The following PMS1 variants were observed in gnomAD, a reference collection of about 807,000 sequenced individuals.
PMS1 encodes the protein PMS1 protein homolog 1.
Under a neutral mutation model 93.1 loss-of-function variants are expected in PMS1, and 79 were observed. The ratio of observed to expected loss-of-function variants is 0.85; its 90% CI spans 0.71 to 1.02. PMS1 has a LOEUF of 1.02. Ranked by LOEUF, PMS1 falls within the 50% of genes least tolerant of loss-of-function variation. PMS1 has a pLI of 0.00. For missense variants in PMS1, 1,064 were observed against 1,085.3 expected, an observed-to-expected ratio of 0.98 and a Z score of 0.28; for synonymous variants, 335 against 363.4, an observed-to-expected ratio of 0.92 and a Z score of 0.89.
At chr2:189,831,970 A>G (rs769459350) in intron 5 of PMS1, among the ~76,000 whole-genome samples, 35 of 152,084 alleles carry the variant, frequency 2.3e-4, no homozygotes, top group South Asian at 6.2e-4. Flanking sequence ...ACCGCAAATG[A>G]TCCTCCCGCC....
chr2:189,844,359 G>T (rs2054065765), intron 6 of PMS1, among the ~76,000 whole-genome samples: 1 of 151,932 alleles, frequency 6.6e-6, no homozygotes, highest in Non-Finnish European at 1.5e-5. Context: ...AAGAAAAATA[G>T]TTGGCTGGGC....
intron 2 of PMS1, among the ~76,000 whole-genome samples, chr2:189,793,955 C>G (rs1450504950): frequency 6.6e-6 from 1 of 152,062 alleles, no homozygotes; most frequent in Non-Finnish European, 1.5e-5. Context: ...ATTTCGAGAC[C>G]ATGTTGCCCA....
chr2:189,805,559 A>T, intron 3 of PMS1, 93 bp from the exon 4 acceptor site: 1 of 1,011,060 alleles, frequency 9.9e-7, no homozygotes, highest in East Asian at 2.4e-5. Context: ...GCTATTGAGT[A>T]AATATATTAT....
chr2:189,846,513 C>CAA (rs780419075), intron 6 of PMS1, among the ~76,000 whole-genome samples: 1 of 124,870 alleles, frequency 8.0e-6, no homozygotes, highest in Non-Finnish European at 1.7e-5. Flanking sequence ...GACTCCGTCT[C>CAA]AAAAAAAAAA....
chr2:189,833,485 G>C (rs1575186154), intron 5 of PMS1, among the ~76,000 whole-genome samples: 3 of 152,316 alleles, frequency 2.0e-5, no homozygotes, highest in African/African-American at 7.2e-5. Context: ...AGGAGGCTGA[G>C]GCAGGAGAAT....
intron 5 of PMS1, among the ~76,000 whole-genome samples, chr2:189,820,869 T>A (rs565814434): frequency 6.6e-6 from 1 of 152,292 alleles, no homozygotes; most frequent in South Asian, 2.1e-4. Flanking sequence ...TCAAAATCTT[T>A]GATCATTTAA....
chr2:189,809,097 T>A (rs934577986), intron 4 of PMS1, among the ~76,000 whole-genome samples: 2 of 152,244 alleles, frequency 1.3e-5, no homozygotes, highest in African/African-American at 2.4e-5. Flanking sequence ...TCATGTTCTT[T>A]GTAAATTCCT....
At chr2:189,872,406 T>C (rs1439299590) in intron 11 of PMS1, among the ~76,000 whole-genome samples, 2 of 152,148 alleles carry the variant, frequency 1.3e-5, no homozygotes, top group Admixed American at 6.5e-5. Context: ...CATTGATAGC[T>C]ACTACTTATC....
rs959859165 is a variant in PMS1, at chr2:189,873,505, T to G, written c.2483T>G (p.Ile828Ser). ...ATTTTTTTTCTTTCAGGAGTTTCAA[T>G]TACTGAAAATTACTTGGAAATAGAA... ...FKIKLIPGVSITENYLEIEGM... is the reference protein window; with the variant it reads ...FKIKLIPGVSSTENYLEIEGM... Residue 828 changes from isoleucine (I) to serine (S), a missense_variant, in exon 12 of 13, where the codon ATT becomes AGT. Coordinates refer to ENST00000441310, the MANE Select transcript of PMS1 (RefSeq NM_000534.5). 1.1e-5 allele frequency: 17 copies of G among 1,589,682 alleles called. No individual in the cohort carries two copies. Among genetic ancestry groups the G allele is most frequent in the Non-Finnish European group, 1.4e-5 (16 of 1,158,388 alleles).
At position 189,860,800 on chromosome 2, in the gene PMS1, A is replaced by AT. The variant is rs1158514130; in HGVS notation, c.1857-2904dup. Among the ~76,000 whole-genome samples the AT allele has an allele frequency of 3.7e-3, 151 of 41,018 alleles. 34 individuals carry two copies. Among genetic ancestry groups the AT allele is most frequent in the Non-Finnish European group, 4.4e-3 (95 of 21,484 alleles). The allele number at this position is 41,018 out of a possible 152,430, so 26.9% of individuals were successfully genotyped here. ...CTAAAATCTTCTATATCTTTGAGGA[A>AT]TTTTTTTTTTTTTTTTTTTTTTTTT... On this transcript the variant is annotated intron_variant, in intron 9 of 12. Coordinates refer to ENST00000441310, the MANE Select transcript of PMS1 (RefSeq NM_000534.5).
intron 9 of PMS1, 42 bp from the exon 10 acceptor site, chr2:189,863,701 C>T (rs748748709): frequency 7.0e-7 from 1 of 1,424,512 alleles, no homozygotes. Flanking sequence ...TAATATATTT[C>T]TGATTATGAT....
chr2:189,834,689 G>C (rs1001600989), intron 5 of PMS1, among the ~76,000 whole-genome samples: 1 of 152,178 alleles, frequency 6.6e-6, no homozygotes, highest in Non-Finnish European at 1.5e-5. Context: ...GTTATGCAGA[G>C]ATTAACTTTA....
chr2:189,798,273 A>G (rs1032565028), intron 3 of PMS1, among the ~76,000 whole-genome samples: 3 of 152,322 alleles, frequency 2.0e-5, no homozygotes, highest in Middle Eastern at 3.4e-3. Context: ...TCAGTTTTTT[A>G]CTTTTGGGCT....
chr2:189,785,466 T>G (rs2048218366), intron 1 of PMS1: 1 of 152,176 alleles, frequency 6.6e-6, no homozygotes, highest in Non-Finnish European at 1.5e-5. Context: ...TTCTTTGCTG[T>G]GATTTGTAAG....
intron 1 of PMS1, among the ~76,000 whole-genome samples, chr2:189,787,292 A>T (rs772793612): frequency 6.6e-6 from 1 of 152,358 alleles, no homozygotes; most frequent in East Asian, 1.9e-4. Context: ...CATAAGAAAG[A>T]TGCTGATAAA....
rs5743149 is a variant in PMS1, at chr2:189,857,928, G to C, written c.1856+2800G>C. On this transcript the variant is annotated intron_variant, in intron 9 of 12. Transcript: ENST00000441310. ...GGTTGGAGGAACAGTATATGAGAAG[G>C]CCCAGAAGCTAGAAGGAACATGGTG... is the stretch of plus-strand genomic sequence containing the variant. 7.3e-4 allele frequency among the ~76,000 whole-genome samples: 111 copies of C among 152,162 alleles called. 2 individuals are homozygous for C. In the South Asian group the frequency reaches 0.022, roughly 30 times the overall value.
chr2:189,807,249 T>C (rs1280607961), intron 4 of PMS1, among the ~76,000 whole-genome samples: 1 of 152,172 alleles, frequency 6.6e-6, no homozygotes, highest in Non-Finnish European at 1.5e-5. Flanking sequence ...TGCACATTTT[T>C]TCCTCATTTA....
intron 4 of PMS1, among the ~76,000 whole-genome samples, chr2:189,808,594 G>T (rs577481280): frequency 6.6e-6 from 1 of 152,160 alleles, no homozygotes; most frequent in Admixed American, 6.5e-5. Flanking sequence ...GCCCCGCAAA[G>T]TGCTGGGATT....
chr2:189,865,599 T>A (rs1411143442), intron 10 of PMS1, among the ~76,000 whole-genome samples: 2 of 152,202 alleles, frequency 1.3e-5, no homozygotes, highest in Non-Finnish European at 2.9e-5. Context: ...TTATTATTGG[T>A]TGTAATATAG....
Sources: gnomAD v4.1 joint callset for allele counts (sites outside exome capture counted in the v4.1 genomes callset) on GRCh38, gnomAD v4.1.1 for gene constraint, MANE v1.5 for transcripts, NCBI Gene and HGNC (gene_info 2026-07-23, HGNC 2026-07-21) for gene names.